The following STAT5B variants were observed in gnomAD, a reference collection of about 807,000 sequenced individuals.
STAT5B encodes the protein transcription factor STAT5B.
A neutral mutation model predicts 107.8 loss-of-function variants in STAT5B; 21 were observed. That is an observed-to-expected ratio of 0.19 (90% CI 0.14 to 0.28). The LOEUF (loss-of-function observed/expected upper bound fraction) is 0.28. Among genes scored for constraint, STAT5B ranks in the 10% least tolerant of loss-of-function variants. STAT5B has a pLI of 1.00. For missense variants in STAT5B, 565 were observed against 1,008.2 expected, an observed-to-expected ratio of 0.56 and a Z score of 5.95; for synonymous variants, 325 against 401.7, an observed-to-expected ratio of 0.81 and a Z score of 2.28.
rs1268578622 is a variant in STAT5B at position 42,202,182 on chromosome 17, C to G, written c.2237+158G>C. ...CTCTAAACCACCAATCACTTCTGGT[C>G]AAATCTCTCCCTCCCAAAGGCCAGA... On this transcript the variant is annotated intron_variant, in intron 18 of 18. Transcript: ENST00000293328. 8 of 845,454 alleles carry G rather than the reference C, an allele frequency of 9.5e-6. No homozygotes were observed. In the East Asian group the frequency reaches 1.6e-4, roughly 17 times the overall value. The allele number at this position is 845,454 out of a possible 1,614,324, so 52.4% of individuals were successfully genotyped here. A position where few individuals can be genotyped will look rare whatever the true frequency, so the allele number is the denominator to read the frequency against.
chr17:42,244,137 A>G (rs60137456), intron 1 of STAT5B, among the ~76,000 whole-genome samples: 53,192 of 149,456 alleles, frequency 0.36, 10,533 homozygotes, highest in African/African-American at 0.53. Context: ...ACTCAGGCTG[A>G]AGTGCTATGG....
Position 42,216,062 on chromosome 17 carries a change from G to A in STAT5B, c.1425C>T (p.Asp475=). ...PVVVIVHGSQ[D]NNATATVLWD... The stretch of plus-strand genomic sequence containing the variant: ...AGAGAACAGTGGCCGTCGCATTGTT[G>A]TCCTGGCTGCCATGAACGATCACCA... Residue 475 remains aspartate, a synonymous_variant, in exon 12 of 19, where the codon GAC becomes GAT. Coordinates refer to ENST00000293328, the MANE Select transcript of STAT5B (RefSeq NM_012448.4). 1 of 1,613,960 alleles carries A rather than the reference G, an allele frequency of 6.2e-7. No individual in the cohort carries two copies. Among genetic ancestry groups the A allele is most frequent in the South Asian group, 1.1e-5 (1 of 91,018 alleles).
chr17:42,207,876 A>C (rs892162155), intron 15 of STAT5B, 148 bp from the exon 16 acceptor site: 37 of 832,718 alleles, frequency 4.4e-5, no homozygotes, highest in Non-Finnish European at 5.6e-6. Context: ...TTATAGATGA[A>C]ATACTTTTAT....
At chr17:42,202,248 C>A in intron 18 of STAT5B, 92 bp downstream of exon 18, 1 of 1,474,096 alleles carries the variant, frequency 6.8e-7, no homozygotes, top group Non-Finnish European at 9.4e-7. Flanking sequence ...TAGAGGAGCT[C>A]TGGATTCCTT....
chr17:42,223,300 T>C, intron 5 of STAT5B, 82 bp downstream of exon 5: 2 of 1,605,606 alleles, frequency 1.2e-6, no homozygotes, highest in Non-Finnish European at 1.7e-6. Context: ...GAAAGTGTGC[T>C]TTCTCCCAAC....
upstream of STAT5B, among the ~76,000 whole-genome samples, chr17:42,278,426 C>G (rs1448561618): frequency 2.0e-5 from 3 of 152,198 alleles, no homozygotes; most frequent in Non-Finnish European, 4.4e-5. Context: ...CAGGGTCTAG[C>G]CCGGTGTGGC....
chr17:42,243,099 G>A (rs1419351863), intron 1 of STAT5B, among the ~76,000 whole-genome samples: 14 of 147,466 alleles, frequency 9.5e-5, no homozygotes, highest in Admixed American at 4.1e-4. Flanking sequence ...CCCCCTCTGC[G>A]AGAAACACCC....
Position 42,240,099 on chromosome 17 carries a change from C to G in STAT5B, c.-10-7962G>C, listed in dbSNP as rs185585681. On this transcript the variant is annotated intron_variant, in intron 1 of 18. Coordinates refer to ENST00000293328, the MANE Select transcript of STAT5B (RefSeq NM_012448.4). ...CAGTGAGCCGAGATCTGTGCCACTG[C>G]ACTCCAGCCTGGATGACAGGGCAAG... is the stretch of plus-strand genomic sequence containing the variant. Among the ~76,000 whole-genome samples the G allele has an allele frequency of 2.1e-3, 318 of 152,330 alleles. 2 individuals are homozygous for G. The highest frequency in any genetic ancestry group is 7.4e-3 in the African/African-American group (306 of 41,572).
At chr17:42,228,433 C>A (rs2080292135) in intron 2 of STAT5B, among the ~76,000 whole-genome samples, 1 of 152,056 alleles carries the variant, frequency 6.6e-6, no homozygotes, top group Non-Finnish European at 1.5e-5. Context: ...TTCCTTTCTA[C>A]TACTTAGGCA....
At chr17:42,228,580 C>A (rs1427665170) in intron 2 of STAT5B, among the ~76,000 whole-genome samples, 3 of 152,130 alleles carry the variant, frequency 2.0e-5, no homozygotes, top group African/African-American at 7.2e-5. Context: ...CTCTGCCATC[C>A]CTAAATCCCT....
At chr17:42,216,313 G>A (rs2080171679) in intron 11 of STAT5B, among the ~76,000 whole-genome samples, 1 of 152,134 alleles carries the variant, frequency 6.6e-6, no homozygotes, top group Non-Finnish European at 1.5e-5. Context: ...TACAAGCAAT[G>A]TTGCTTAGAT....
chr17:42,285,712 G>A, the STAT5B span, among the ~76,000 whole-genome samples: 1 of 152,146 alleles, frequency 6.6e-6, no homozygotes, highest in African/African-American at 2.4e-5. Flanking sequence ...CTGGAGCCAC[G>A]ACTACAGTCA....
intron 1 of STAT5B, among the ~76,000 whole-genome samples, chr17:42,263,711 G>C (rs2080638431): frequency 6.6e-6 from 1 of 151,962 alleles, no homozygotes; most frequent in South Asian, 2.1e-4. Context: ...ATTTTTTGTA[G>C]AGATAGGGTC....
At chr17:42,243,576 G>C (rs550805158) in intron 1 of STAT5B, among the ~76,000 whole-genome samples, 1 of 152,250 alleles carries the variant, frequency 6.6e-6, no homozygotes, top group Admixed American at 6.5e-5. Context: ...ACAGTGGTGG[G>C]GAGTGTGGGA....
chr17:42,267,539 A>G (rs2080684103), intron 1 of STAT5B, among the ~76,000 whole-genome samples: 1 of 152,252 alleles, frequency 6.6e-6, no homozygotes, highest in African/African-American at 2.4e-5. Flanking sequence ...AAGTTTTGAA[A>G]AATTAAAAAT....
intron 1 of STAT5B, among the ~76,000 whole-genome samples, chr17:42,273,699 C>T (rs1172517266): frequency 6.6e-6 from 1 of 152,166 alleles, no homozygotes; most frequent in Non-Finnish European, 1.5e-5. Context: ...ATGTTATTTA[C>T]CTATCTATAA....
chr17:42,265,377 C>CTTTT lies in STAT5B; in HGVS notation c.-11+10867_-11+10870dup, dbSNP rs371149930. ...GCTAAGTCAAAGGGTATGTACTCTT[C>CTTTT]TTTTTTTTTTTTGAGACGAAGTCTC... is the stretch of plus-strand genomic sequence containing the variant. On this transcript the variant is annotated intron_variant, in intron 1 of 18. Coordinates refer to ENST00000293328, the MANE Select transcript of STAT5B (RefSeq NM_012448.4). 5.7e-3 allele frequency among the ~76,000 whole-genome samples: 634 copies of CTTTT among 110,602 alleles called. 96 individuals carry two copies. Among genetic ancestry groups the CTTTT allele is most frequent in the Middle Eastern group, 0.01 (2 of 198 alleles). 72.6% of individuals were successfully genotyped at this position (110,602 alleles called of 152,430 possible).
Position 42,201,762 on chromosome 17 carries a change from C to G in STAT5B, c.2340G>C (p.Gln780His). Residue 780 changes from glutamine to histidine, a missense_variant, in exon 19 of 19, where the codon CAG becomes CAC. By Grantham distance (24) the Gln-to-His change is conservative. Transcript: ENST00000293328. Reference protein sequence around the residue: ...EELLGRPMDSQWIPHAQS With the variant: ...EELLGRPMDSHWIPHAQS ...GTCACGATTGTGCGTGCGGGATCCA[C>G]TGACTGTCCATTGGCCGGCCCAGGA... 1 of 1,613,852 alleles carries G rather than the reference C, an allele frequency of 6.2e-7. No homozygotes were observed. The highest frequency in any genetic ancestry group is 8.5e-7 in the Non-Finnish European group (1 of 1,179,686).
chr17:42,238,906 C>G (rs190826504), intron 1 of STAT5B, among the ~76,000 whole-genome samples: 1 of 151,332 alleles, frequency 6.6e-6, no homozygotes, highest in South Asian at 2.1e-4. Context: ...GGTACAGTAA[C>G]AGCAAGGCTT....
Sources: gnomAD v4.1 joint callset for allele counts (sites outside exome capture counted in the v4.1 genomes callset) on GRCh38, gnomAD v4.1.1 for gene constraint, MANE v1.5 for transcripts, NCBI Gene and HGNC (gene_info 2026-07-23, HGNC 2026-07-21) for gene names.